Variants in AKAP19 observed in about 807,000 individuals in gnomAD.
AKAP19 encodes the protein small A-kinase anchoring protein.
chr2:189,960,683 A>AT, the AKAP19 span, among the ~76,000 whole-genome samples: 50 of 150,126 alleles, frequency 3.3e-4, no homozygotes, highest in Admixed American at 1.3e-3. Context: ...GACACACTGT[A>AT]TTTTTTTTTT....
chr2:189,984,434 G>A, the AKAP19 span, among the ~76,000 whole-genome samples: 1 of 152,196 alleles, frequency 6.6e-6, no homozygotes, highest in Non-Finnish European at 1.5e-5. Context: ...CCGGTGGTCA[G>A]ATTTTAAGGT....
the AKAP19 span, among the ~76,000 whole-genome samples, chr2:189,919,999 A>G: frequency 6.6e-6 from 1 of 152,122 alleles, no homozygotes; most frequent in Non-Finnish European, 1.5e-5. Context: ...TACACCTACA[A>G]TAGTCTATCT....
the AKAP19 span, among the ~76,000 whole-genome samples, chr2:189,948,623 T>C: frequency 2.0e-5 from 3 of 152,236 alleles, no homozygotes; most frequent in Non-Finnish European, 2.9e-5. Flanking sequence ...ATTAAACTTA[T>C]AGCGCCACTT....
the AKAP19 span, among the ~76,000 whole-genome samples, chr2:190,123,215 T>C: frequency 6.6e-6 from 1 of 152,230 alleles, no homozygotes; most frequent in Non-Finnish European, 1.5e-5. Context: ...TTTCTCATTT[T>C]CTCATCAATC....
the AKAP19 span, among the ~76,000 whole-genome samples, chr2:189,974,219 G>T: frequency 0.012 from 1,847 of 152,170 alleles, 15 homozygotes; most frequent in Non-Finnish European, 0.018. Context: ...CTTTATCTCT[G>T]CCCTCATTTC....
the AKAP19 span, chr2:190,180,842 C>A: frequency 4.1e-6 from 4 of 985,238 alleles, no homozygotes; most frequent in East Asian, 1.1e-4. The surrounding 1 kb of genome is among the most constrained non-coding windows in gnomAD (Gnocchi z 6.8). Flanking sequence ...CCGGGCGCCG[C>A]CGAAGGACGC....
At chr2:190,058,372 C>G in the AKAP19 span, among the ~76,000 whole-genome samples, 1 of 151,924 alleles carries the variant, frequency 6.6e-6, no homozygotes, top group Non-Finnish European at 1.5e-5. Context: ...TAAAAAGGAA[C>G]ACTTTCTTAA....
chr2:190,132,039 GA>G, the AKAP19 span, among the ~76,000 whole-genome samples: 1 of 151,914 alleles, frequency 6.6e-6, no homozygotes, highest in African/African-American at 2.4e-5. Flanking sequence ...CGAGCTATCT[GA>G]AAAAAATCCA....
chr2:190,164,964 TA>T, the AKAP19 span, among the ~76,000 whole-genome samples: 1 of 152,224 alleles, frequency 6.6e-6, no homozygotes, highest in African/African-American at 2.4e-5. Context: ...TGATCATTTC[TA>T]AGTCACATCA....
chr2:189,971,996 A>G, the AKAP19 span, among the ~76,000 whole-genome samples: 5,210 of 151,928 alleles, frequency 0.034, 286 homozygotes, highest in African/African-American at 0.11. Context: ...ATTAGATCCC[A>G]TTTGTCAATT....
At chr2:190,134,297 G>A in the AKAP19 span, among the ~76,000 whole-genome samples, 2 of 152,026 alleles carry the variant, frequency 1.3e-5, no homozygotes, top group Non-Finnish European at 2.9e-5. Flanking sequence ...TGTTACTCCT[G>A]GGACCAGGGA....
the AKAP19 span, among the ~76,000 whole-genome samples, chr2:190,170,587 A>C: frequency 6.6e-6 from 1 of 152,044 alleles, no homozygotes; most frequent in Admixed American, 6.6e-5. Flanking sequence ...CCCATCCCCC[A>C]TCCCCAACCA....
At chr2:190,145,850 T>TA in the AKAP19 span, among the ~76,000 whole-genome samples, 1 of 144,210 alleles carries the variant, frequency 6.9e-6, no homozygotes, top group African/African-American at 2.5e-5. Flanking sequence ...TGTGTATATA[T>TA]AAAAAGAAAT....
the AKAP19 span, among the ~76,000 whole-genome samples, chr2:189,936,795 A>G: frequency 6.6e-6 from 1 of 152,190 alleles, no homozygotes; most frequent in East Asian, 1.9e-4. Context: ...CACAGAAACT[A>G]CATACTATGT....
chr2:190,180,043 T>C, the AKAP19 span, among the ~76,000 whole-genome samples: 1 of 152,244 alleles, frequency 6.6e-6, no homozygotes, highest in African/African-American at 2.4e-5. This position sits in a 1 kb window ranked among gnomAD's most constrained non-coding sequence, Gnocchi z 6.8. Context: ...CCTTTAGAGA[T>C]ACTTTGTTTG....
the AKAP19 span, among the ~76,000 whole-genome samples, chr2:190,171,628 T>G: frequency 2.6e-5 from 4 of 152,180 alleles, no homozygotes; most frequent in African/African-American, 9.6e-5. Flanking sequence ...ATATAATTGG[T>G]GGATATTTAT....
chr2:190,046,143 G>A, the AKAP19 span, among the ~76,000 whole-genome samples: 1 of 151,030 alleles, frequency 6.6e-6, no homozygotes, highest in Non-Finnish European at 1.5e-5. Flanking sequence ...CCCAGCGTGA[G>A]TACCTGGATG....
the AKAP19 span, among the ~76,000 whole-genome samples, chr2:190,184,496 T>G: frequency 6.6e-6 from 1 of 152,238 alleles, no homozygotes. Flanking sequence ...TGTAGAGAAC[T>G]GTTCTGTACA....
At chr2:189,979,762 A>G in the AKAP19 span, among the ~76,000 whole-genome samples, 1 of 152,210 alleles carries the variant, frequency 6.6e-6, no homozygotes, top group Non-Finnish European at 1.5e-5. Context: ...TGAGCCAAGG[A>G]CATGAACAGA....
Sources: allele counts gnomAD v4.1 joint callset (sites outside exome capture counted in the v4.1 genomes callset), GRCh38; gene constraint gnomAD v4.1.1; non-coding constraint Gnocchi (gnomAD v3.1); transcripts MANE v1.5; gene names NCBI Gene and HGNC (gene_info 2026-07-23, HGNC 2026-07-21).